ANK2: variants seen among roughly 807,000 people sequenced by gnomAD.
ANK2 encodes the protein ankyrin-2.
A neutral mutation model predicts 360.5 loss-of-function variants in ANK2; 83 were observed. The observed-to-expected ratio is 0.23, with a 90% confidence interval of 0.19 to 0.28. The LOEUF (loss-of-function observed/expected upper bound fraction) is 0.28, where lower values mean the gene tolerates loss of function less well. Ranked by LOEUF, ANK2 falls within the 10% of genes least tolerant of loss-of-function variation. The probability of loss-of-function intolerance (pLI) is 1.00; values close to 1 mark genes in which losing one functional copy is unlikely to be tolerated. For synonymous variants in ANK2, 1,740 were observed against 1,759.5 expected (o/e 0.99, Z 0.28); for missense variants, 4,201 against 4,795.7 (o/e 0.88, Z 3.66).
chr4:113,065,877 C>A (rs2075394679), intron 1 of ANK2, among the ~76,000 whole-genome samples: 1 of 152,110 alleles, frequency 6.6e-6, no homozygotes, highest in South Asian at 2.1e-4. Context: ...TACCGGTGCT[C>A]CCAAACTAGG....
Position 113,354,656 on chromosome 4 carries a change from A to G in ANK2, c.6038A>G (p.His2013Arg). Reference protein sequence around the residue: ...PSKHKTGLFEHKSAKQKQPQE... With the variant: ...PSKHKTGLFERKSAKQKQPQE... ...AAACATAAAACTGGACTCTTTGAGC[A>G]CAAATCAGCAAAACAAAAGCAGCCA... Residue 2013 changes from histidine to arginine, a missense_variant, in exon 38 of 46, where the codon CAC becomes CGC. His to Arg is a conservative substitution (Grantham distance 29). This residue lies in a region of ANK2 where 2,642 missense variants were observed against 2,714.5 expected (regional missense o/e 0.97). Coordinates refer to ENST00000357077, the MANE Select transcript of ANK2 (RefSeq NM_001148.6). 2 of 1,614,158 alleles carry G rather than the reference A, an allele frequency of 1.2e-6. No individual in the cohort carries two copies. Among genetic ancestry groups the G allele is most frequent in the Non-Finnish European group, 1.7e-6 (2 of 1,180,008 alleles).
chr4:112,801,942 G>C, the ANK2 span, among the ~76,000 whole-genome samples: 1 of 146,136 alleles, frequency 6.8e-6, no homozygotes, highest in East Asian at 2.2e-4. Flanking sequence ...TGAGGTGAAG[G>C]TCTGGTAGAC....
At chr4:113,072,165 C>CT (rs1194755315) in intron 1 of ANK2, among the ~76,000 whole-genome samples, 1 of 152,212 alleles carries the variant, frequency 6.6e-6, no homozygotes, top group Non-Finnish European at 1.5e-5. Context: ...CCTCCACTGT[C>CT]TGTGTTTCTC....
At position 113,381,928 on chromosome 4, in the gene ANK2, T is replaced by A. The variant is rs756591689; in HGVS notation, c.*457T>A. 6 of 338,588 alleles carry A rather than the reference T, an allele frequency of 1.8e-5. No homozygotes were observed. The highest frequency in any genetic ancestry group is 3.5e-5 in the Non-Finnish European group (6 of 171,682). The allele number at this position is 338,588 out of a possible 1,614,324, so 21.0% of individuals were successfully genotyped here. A position where few individuals can be genotyped will look rare whatever the true frequency, so the allele number is the denominator to read the frequency against. On this transcript the variant is annotated 3_prime_UTR_variant, in exon 46 of 46. Transcript: ENST00000357077. ...CATTGTTCTTTGCTTCTGCACAAGA[T>A]CCATGAAAATCCATTGATCAGAAGA...
At chr4:112,798,077 A>C in the ANK2 span, 2 of 158,568 alleles carry the variant, frequency 1.3e-5, no homozygotes, top group Non-Finnish European at 2.9e-5. Flanking sequence ...AACATGTCTG[A>C]CTAGTTCAAA....
At chr4:112,872,217 A>G (rs1425038442) in intron 1 of ANK2, among the ~76,000 whole-genome samples, 1 of 151,616 alleles carries the variant, frequency 6.6e-6, no homozygotes, top group East Asian at 1.9e-4. Context: ...TTTTGTAGAG[A>G]CTGGGTCTTG....
chr4:113,301,491 C>G (rs1301756678), intron 22 of ANK2, among the ~76,000 whole-genome samples: 2 of 151,992 alleles, frequency 1.3e-5, no homozygotes, highest in Non-Finnish European at 2.9e-5. Flanking sequence ...GATGAGCGCA[C>G]TTAAAATCTA....
At chr4:112,939,136 A>G (rs993007236) in intron 2 of ANK2, among the ~76,000 whole-genome samples, 5 of 152,164 alleles carry the variant, frequency 3.3e-5, no homozygotes, top group Non-Finnish European at 7.3e-5. Context: ...ACTTAAAACA[A>G]ATATTTTATT....
intron 1 of ANK2, among the ~76,000 whole-genome samples, chr4:113,067,905 C>T (rs2076183539): frequency 6.6e-6 from 1 of 152,202 alleles, no homozygotes; most frequent in Admixed American, 6.5e-5. Flanking sequence ...ATGTTTCTCT[C>T]TGGTTAGGTG....
At chr4:113,142,515 T>C (rs2096669298) in intron 1 of ANK2, among the ~76,000 whole-genome samples, 1 of 152,090 alleles carries the variant, frequency 6.6e-6, no homozygotes, top group African/African-American at 2.4e-5. Context: ...AGCCAGAAAA[T>C]AGGAAATTTC....
At chr4:112,904,461 A>T in exon 2 of ANK2, 1 of 1,471,504 alleles carries the variant, frequency 6.8e-7, no homozygotes, top group Non-Finnish European at 9.2e-7. Flanking sequence ...TTAGGTAAGT[A>T]ATGAAAAGAG....
intron 1 of ANK2, among the ~76,000 whole-genome samples, chr4:112,871,103 G>A (rs1469748337): frequency 6.6e-6 from 1 of 151,832 alleles, no homozygotes; most frequent in Admixed American, 6.6e-5. Flanking sequence ...ATTTTGGGTT[G>A]TTTACTGCAA....
chr4:112,982,193 T>A (rs938140447), intron 2 of ANK2, among the ~76,000 whole-genome samples: 160 of 152,298 alleles, frequency 1.1e-3, no homozygotes, highest in African/African-American at 3.3e-3. Flanking sequence ...AATTTTTTTT[T>A]AATTATGAAA....
chr4:113,227,212 A>G (rs188259408), intron 4 of ANK2, among the ~76,000 whole-genome samples: 2 of 152,298 alleles, frequency 1.3e-5, no homozygotes, highest in African/African-American at 4.8e-5. Flanking sequence ...CCACATTTTA[A>G]GGACCTGTAG....
intron 2 of ANK2, among the ~76,000 whole-genome samples, chr4:112,966,313 C>T (rs1428656170): frequency 4.0e-5 from 6 of 151,596 alleles, no homozygotes; most frequent in South Asian, 4.2e-4. Context: ...TTATGCAATT[C>T]GAGCATAACT....
rs111477603 is a variant in ANK2, at chr4:112,964,848, C to T, written c.21+60334C>T. Among the ~76,000 whole-genome samples, 941 of 152,232 alleles carry T rather than the reference C, an allele frequency of 6.2e-3. 7 individuals carry two copies. Among genetic ancestry groups the T allele is most frequent in the African/African-American group, 0.02 (847 of 41,556 alleles). On this transcript the variant is annotated intron_variant, in intron 2 of 30. Transcript: ENST00000503271. ...CCTCCCAAAGTGCTGGTATTACAGG[C>T]GTGAGCCACCGCGCCCGGCCATGTA... is the stretch of plus-strand genomic sequence containing the variant.
At chr4:113,312,050 C>T (rs946636009) in intron 24 of ANK2, among the ~76,000 whole-genome samples, 14 of 152,098 alleles carry the variant, frequency 9.2e-5, no homozygotes, top group African/African-American at 2.9e-4. Context: ...ACTAGTACAA[C>T]TGGCACTTGT....
chr4:113,295,341 T>C (rs2070629348), intron 22 of ANK2, among the ~76,000 whole-genome samples: 1 of 152,172 alleles, frequency 6.6e-6, no homozygotes, highest in Non-Finnish European at 1.5e-5. Context: ...CTATGGAACT[T>C]ATATGTCTGG....
chr4:113,088,679 A>G (rs886475797), intron 1 of ANK2, among the ~76,000 whole-genome samples: 5 of 152,326 alleles, frequency 3.3e-5, no homozygotes, highest in African/African-American at 9.6e-5. Flanking sequence ...CTGGAAAGGA[A>G]CTGGAAAGGA....
Sources: gnomAD v4.1 joint callset for allele counts (sites outside exome capture counted in the v4.1 genomes callset) on GRCh38, gnomAD v4.1.1 for gene constraint, gnomAD v4.1.1 regional missense constraint, MANE v1.5 for transcripts, NCBI Gene and HGNC (gene_info 2026-07-23, HGNC 2026-07-21) for gene names.